The following SLC6A8 variants were observed in gnomAD, a reference collection of about 807,000 sequenced individuals.
SLC6A8 encodes the protein solute carrier family 6 member 8, also known as sodium- and chloride-dependent creatine transporter 1.
A neutral mutation model predicts 48.3 loss-of-function variants in SLC6A8; 6 were observed. The ratio of observed to expected loss-of-function variants is 0.12; its 90% CI spans 0.07 to 0.25. The LOEUF (loss-of-function observed/expected upper bound fraction) is 0.25, where lower values mean the gene tolerates loss of function less well. Among genes scored for constraint, SLC6A8 ranks in the 10% least tolerant of loss-of-function variants. The pLI is 1.00. For synonymous variants in SLC6A8, 245 were observed against 244.0 expected, an observed-to-expected ratio of 1.00 and a Z score of -0.04; for missense variants, 260 against 551.5, an observed-to-expected ratio of 0.47 and a Z score of 5.29.
intron 1 of SLC6A8, 68 bp from the exon 2 acceptor site, chrX:153,690,307 C>G: frequency 8.9e-7 from 1 of 1,129,044 alleles, no homozygotes; most frequent in East Asian, 3.2e-5. Context: ...GGAGTCTGGG[C>G]TGGCCCGCTG....
In SLC6A8 at chrX:153,693,033, C is replaced by T. The variant is rs781860529; in HGVS notation, c.778-8C>T. 34 of 1,208,818 alleles carry T rather than the reference C, an allele frequency of 2.8e-5. No individual in the cohort carries two copies. Among genetic ancestry groups the T allele is most frequent in the African/African-American group, 5.2e-5 (3 of 57,462 alleles). ...CCACAGCCTCCGCTGAGCAGCCTGG[C>T]CCCCCAGATCGTGTACTTCACTGCT... On this transcript the variant is annotated splice_region_variant and splice_polypyrimidine_tract_variant and intron_variant, in intron 4 of 12. Transcript: ENST00000253122.
chrX:153,691,201 G>C, intron 2 of SLC6A8, 103 bp from the exon 3 acceptor site: 2 of 949,049 alleles, frequency 2.1e-6, no homozygotes, highest in Admixed American at 2.6e-5. Flanking sequence ...GGCTCCAGGA[G>C]GACAGATGGT....
In SLC6A8 at chrX:153,695,100, C is replaced by G. The variant is rs782587560; in HGVS notation, c.1794C>G (p.Ile598Met). ...GCTGGCAGCACCTGACCCAGCCCAT[C>G]TGGGGCCTCCACCACTTGGAGTACC... ...AERWQHLTQPIWGLHHLEYRA... is the reference protein window; with the variant it reads ...AERWQHLTQPMWGLHHLEYRA... Residue 598 changes from isoleucine to methionine, a missense_variant, in exon 13 of 13, where the codon ATC (isoleucine) becomes ATG (methionine). Around this residue, in one of 7 missense-constraint regions of SLC6A8, gnomAD observed 87 missense variants for 120.9 expected, o/e 0.72. Transcript: ENST00000253122. The G allele has an allele frequency of 5.0e-6, 6 of 1,203,588 alleles. No homozygotes were observed. Among genetic ancestry groups the G allele is most frequent in the Admixed American group, 2.2e-5 (1 of 45,390 alleles).
Position 153,691,628 on chromosome X carries a change from G to A in SLC6A8, c.644+75G>A, listed in dbSNP as rs6655262. ...TCATGTTGCCCGGCTCCAGGGGAGT[G>A]GCCCTGAGGGGGCACCAGGGTGTTG... is the stretch of plus-strand genomic sequence containing the variant. On this transcript the variant is annotated intron_variant, in intron 3 of 12. Coordinates refer to ENST00000253122, the MANE Select transcript of SLC6A8 (RefSeq NM_005629.4). 1.1e-5 allele frequency: 13 copies of A among 1,131,539 alleles called. No homozygotes were observed. The African/African-American group carries it at 1.6e-4, about 14-fold the overall frequency. 93.3% of individuals were successfully genotyped at this position (1,131,539 alleles called of 1,213,427 possible). A position where few individuals can be genotyped will look rare whatever the true frequency, so the allele number is the denominator to read the frequency against.
rs1190261367 is a variant in SLC6A8, at chrX:153,688,585, A to G, written c.11A>G (p.Lys4Arg). The change falls in exon 1 of 13, where the codon AAG becomes AGG. Residue 4 changes from lysine to arginine, a missense_variant. Lys to Arg is a conservative substitution (Grantham distance 26). This residue lies in a region of SLC6A8 where 50 missense variants were observed against 55.1 expected (regional missense o/e 0.91). Transcript: ENST00000253122. MAK[K>R]SAENGIYSVS... ...CGGCCCGCCGAGGCCATGGCGAAGA[A>G]GAGCGCCGAGAACGGCATCTATAGC... The G allele has an allele frequency of 1.9e-6, 2 of 1,034,610 alleles. No homozygotes were observed. The highest frequency in any genetic ancestry group is 2.1e-5 in the African/African-American group (1 of 47,770). The allele number at this position is 1,034,610 out of a possible 1,213,427, so 85.3% of individuals were successfully genotyped here.
intron 4 of SLC6A8, chrX:153,692,761 C>T (rs782402367): frequency 1.4e-5 from 6 of 440,049 alleles, no homozygotes; most frequent in Admixed American, 5.6e-5. Flanking sequence ...ACGTGCTCCA[C>T]GCCTCCTGTC....
Position 153,694,529 on chromosome X carries a change from G to A in SLC6A8, c.1496-4G>A, listed in dbSNP as rs782589547. ...CTTGGCCCTCCCGCCTCACCTCGCC[G>A]CAGGAGCTGACCGCTTCATGGACGA... On this transcript the variant is annotated splice_polypyrimidine_tract_variant and splice_region_variant and intron_variant, in intron 10 of 12. Transcript: ENST00000253122. 1.9e-4 allele frequency: 234 copies of A among 1,205,776 alleles called. No individual in the cohort carries two copies. The highest frequency in any genetic ancestry group is 2.4e-4 in the Non-Finnish European group (218 of 891,836).
rs782391316 is a variant in SLC6A8, at chrX:153,690,409, G to A, written c.297G>A (p.Leu99=). 1 of 1,200,526 alleles carries A rather than the reference G, an allele frequency of 8.3e-7. No homozygotes were observed. The highest frequency in any genetic ancestry group is 1.1e-6 in the Non-Finnish European group (1 of 889,039). Residue 99 remains leucine (L), a synonymous_variant, in exon 2 of 13, where the codon CTG becomes CTA. Coordinates refer to ENST00000253122, the MANE Select transcript of SLC6A8 (RefSeq NM_005629.4). The part of the protein sequence containing the change: ...VFLIPYVLIA[L]VGGIPIFFLE... ...TTATTCCCTACGTCCTGATCGCCCTGGTTGGAGGAATCCCCATTTTCTTCT... is the reference window on the plus strand; with the variant it reads ...TTATTCCCTACGTCCTGATCGCCCTAGTTGGAGGAATCCCCATTTTCTTCT...
At position 153,696,430 on chromosome X, in the gene SLC6A8, C is replaced by T; in HGVS notation, c.*1216C>T. 3.0e-6 allele frequency: 1 copy of T among 331,725 alleles called. No homozygotes were observed. The highest frequency in any genetic ancestry group is 2.6e-5 in the African/African-American group (1 of 38,425). The allele number at this position is 331,725 out of a possible 1,213,427, so 27.3% of individuals were successfully genotyped here. On this transcript the variant is annotated 3_prime_UTR_variant, in exon 13 of 13. Coordinates refer to ENST00000253122, the MANE Select transcript of SLC6A8 (RefSeq NM_005629.4). ...TTAACCCACGTTTGTCTGTCACGTC[C>T]AGTCCCGAGACGGCTGAGTGACCCC...
chrX:153,696,189 G>T lies in SLC6A8; in HGVS notation c.*975G>T, dbSNP rs1192387796. ...CTGGATTGGAAAAGTGCATGGTGGG[G>T]GCCTCGGGGCTGTCCCCACGCTGTC... On this transcript the variant is annotated 3_prime_UTR_variant, in exon 13 of 13. Coordinates refer to ENST00000253122, the MANE Select transcript of SLC6A8 (RefSeq NM_005629.4). The T allele has an allele frequency of 4.0e-6, 1 of 249,435 alleles. No individual in the cohort carries two copies. Among genetic ancestry groups the T allele is most frequent in the East Asian group, 1.1e-4 (1 of 8,879 alleles). The allele number at this position is 249,435 out of a possible 1,213,427, so 20.6% of individuals were successfully genotyped here. A position where few individuals can be genotyped will look rare whatever the true frequency, so the allele number is the denominator to read the frequency against.
chrX:153,693,603 A>G lies in SLC6A8; in HGVS notation c.1141+17A>G, dbSNP rs1557045167. 4.1e-6 allele frequency: 5 copies of G among 1,205,941 alleles called. No homozygotes were observed. In the East Asian group the frequency reaches 8.9e-5, roughly 21 times the overall value. On this transcript the variant is annotated intron_variant, in intron 7 of 12. Coordinates refer to ENST00000253122, the MANE Select transcript of SLC6A8 (RefSeq NM_005629.4). ...CAGAGTCAGGTAGGGCCCTACCCCC[A>G]GCCCCGCCTCCAGAGCAGCGAGTGC...
chrX:153,692,111 C>G lies in SLC6A8; in HGVS notation c.777+4C>G. The stretch of plus-strand genomic sequence containing the variant: ...GGGGGTCAAATCCACGGGAAAGGTA[C>G]CACTAGAGGCATGCAGCGGGGAGGG... On this transcript the variant is annotated splice_donor_region_variant and intron_variant, in intron 4 of 12. Transcript: ENST00000253122. 1 of 1,199,145 alleles carries G rather than the reference C, an allele frequency of 8.3e-7. No homozygotes were observed. Among genetic ancestry groups the G allele is most frequent in the Non-Finnish European group, 1.1e-6 (1 of 887,873 alleles).
In SLC6A8 at chrX:153,692,039, C is replaced by G. The variant is rs782587269; in HGVS notation, c.709C>G (p.Leu237Val). Residue 237 changes from leucine to valine, a missense_variant, in exon 4 of 13, where the codon CTT becomes GTT. Leu to Val is a conservative substitution (Grantham distance 32). This residue lies in a region of SLC6A8 where 75 missense variants were observed against 248.8 expected (regional missense o/e 0.30). Coordinates refer to ENST00000253122, the MANE Select transcript of SLC6A8 (RefSeq NM_005629.4). ...VPGALNWEVT[L>V]CLLACWVLVY... ...AGGGGCCCTCAACTGGGAGGTGACCCTTTGTCTGCTGGCCTGCTGGGTGCT... is the reference window on the plus strand; with the variant it reads ...AGGGGCCCTCAACTGGGAGGTGACCGTTTGTCTGCTGGCCTGCTGGGTGCT... 8.3e-7 allele frequency: 1 copy of G among 1,200,181 alleles called. No individual in the cohort carries two copies. Among genetic ancestry groups the G allele is most frequent in the Non-Finnish European group, 1.1e-6 (1 of 888,289 alleles).
At chrX:153,690,346 C>T in intron 1 of SLC6A8, 29 bp from the exon 2 acceptor site, 1 of 1,184,989 alleles carries the variant, frequency 8.4e-7, no homozygotes. Context: ...GGGGGCCACC[C>T]TGAGTCCACG....
intron 4 of SLC6A8, chrX:153,692,564 A>G (rs1557044726): frequency 3.0e-6 from 1 of 338,352 alleles, no homozygotes; most frequent in East Asian, 9.3e-5. Flanking sequence ...GCATGTGGGA[A>G]GAGGGGGCAG....
At chrX:153,694,942 C>T in intron 12 of SLC6A8, 53 bp downstream of exon 12, 1 of 990,860 alleles carries the variant, frequency 1.0e-6, no homozygotes. Flanking sequence ...ACATTCAACC[C>T]AGCCTGCTTC....
chrX:153,693,531 C>T lies in SLC6A8; in HGVS notation c.1086C>T (p.Ile362=), dbSNP rs2091469543. Residue 362 remains isoleucine (I), a synonymous_variant, in exon 7 of 13, where the codon ATC becomes ATT. Coordinates refer to ENST00000253122, the MANE Select transcript of SLC6A8 (RefSeq NM_005629.4). The stretch of plus-strand genomic sequence containing the variant: ...TTGCTGGCTTCGTGGTCTTCTCCAT[C>T]CTGGGCTTCATGGCTGCAGAGCAGG... ...SFFAGFVVFS[I]LGFMAAEQGV... The T allele has an allele frequency of 4.1e-6, 5 of 1,210,816 alleles. No homozygotes were observed. Among genetic ancestry groups the T allele is most frequent in the Non-Finnish European group, 1.1e-6 (1 of 894,620 alleles).
chrX:153,691,708 G>A (rs1266691237), intron 3 of SLC6A8, among the ~76,000 whole-genome samples, 155 bp downstream of exon 3: 7 of 112,953 alleles, frequency 6.2e-5, no homozygotes, highest in Non-Finnish European at 9.4e-5. Context: ...GAGAGTCCTG[G>A]GGCCAGCCTC....
rs782056893 is a variant in SLC6A8 at position 153,688,758 on chromosome X, A to G, written c.184A>G (p.Ile62Val). 2.6e-6 allele frequency: 3 copies of G among 1,138,373 alleles called. No homozygotes were observed. The highest frequency in any genetic ancestry group is 3.5e-6 in the Non-Finnish European group (3 of 856,339). 93.8% of individuals were successfully genotyped at this position (1,138,373 alleles called of 1,213,427 possible). The change falls in exon 1 of 13, where the codon ATC (isoleucine) becomes GTC (valine). Residue 62 changes from isoleucine (I) to valine (V), a missense_variant. Around this residue, in one of 7 missense-constraint regions of SLC6A8, gnomAD observed 24 missense variants for 52.0 expected, o/e 0.46. Coordinates refer to ENST00000253122, the MANE Select transcript of SLC6A8 (RefSeq NM_005629.4). Reference protein sequence around the residue: ...RETWTRQMDFIMSCVGFAVGL... With the variant: ...RETWTRQMDFVMSCVGFAVGL... Reference sequence around the variant, plus strand: ...GACCTGGACGCGCCAGATGGACTTCATCATGTCGTGCGTGGGCTTCGCCGT... The same window carrying G: ...GACCTGGACGCGCCAGATGGACTTCGTCATGTCGTGCGTGGGCTTCGCCGT...
Sources: gnomAD v4.1 joint callset for allele counts (sites outside exome capture counted in the v4.1 genomes callset) on GRCh38, gnomAD v4.1.1 for gene constraint, gnomAD v4.1.1 regional missense constraint, MANE v1.5 for transcripts, NCBI Gene and HGNC (gene_info 2026-07-23, HGNC 2026-07-21) for gene names.